PDGFD: variants seen among roughly 807,000 people sequenced by gnomAD.
PDGFD encodes the protein platelet-derived growth factor D.
A neutral mutation model predicts 44.7 loss-of-function variants in PDGFD; 30 were observed. That is an observed-to-expected ratio of 0.67 (90% confidence interval 0.50 to 0.91). The LOEUF is 0.91. Ranked by LOEUF, PDGFD falls within the 40% of genes least tolerant of loss-of-function variation. PDGFD has a pLI of 0.00. For missense variants in PDGFD, 445 were observed against 457.8 expected, an observed-to-expected ratio of 0.97 and a Z score of 0.25; for synonymous variants, 173 against 168.4, an observed-to-expected ratio of 1.03 and a Z score of -0.21.
intron 1 of PDGFD, among the ~76,000 whole-genome samples, chr11:104,028,271 T>C (rs940193695): frequency 6.6e-5 from 10 of 151,880 alleles, no homozygotes; most frequent in African/African-American, 2.4e-4. Flanking sequence ...TCCTAGTTAT[T>C]TTAGTTTAAA....
chr11:104,085,067 C>T (rs1184005781), intron 1 of PDGFD, among the ~76,000 whole-genome samples: 3 of 151,164 alleles, frequency 2.0e-5, no homozygotes, highest in Non-Finnish European at 3.0e-5. Flanking sequence ...TGGTACAATA[C>T]AACTTAGATA....
chr11:104,045,994 A>G (rs978367012), intron 1 of PDGFD, among the ~76,000 whole-genome samples: 1 of 147,040 alleles, frequency 6.8e-6, no homozygotes, highest in African/African-American at 2.5e-5. Flanking sequence ...GCAGAGGAAG[A>G]TATTACCAGA....
intron 1 of PDGFD, among the ~76,000 whole-genome samples, chr11:104,031,812 C>T (rs565898627): frequency 6.6e-6 from 1 of 152,116 alleles, no homozygotes; most frequent in Non-Finnish European, 1.5e-5. Context: ...ACTATGCAGC[C>T]ATAAAAAAGA....
At chr11:103,969,910 A>G (rs1859078632) in intron 3 of PDGFD, among the ~76,000 whole-genome samples, 1 of 152,106 alleles carries the variant, frequency 6.6e-6, no homozygotes, top group South Asian at 2.1e-4. Context: ...AAATACTCAT[A>G]TTTAAAAATA....
At chr11:104,147,418 A>G (rs1207718019) in intron 1 of PDGFD, among the ~76,000 whole-genome samples, 1 of 152,202 alleles carries the variant, frequency 6.6e-6, no homozygotes, top group Non-Finnish European at 1.5e-5. Context: ...TTTACTTGAT[A>G]GAATATATTT....
chr11:104,047,207 G>C (rs1158706269), intron 1 of PDGFD, among the ~76,000 whole-genome samples: 1 of 147,598 alleles, frequency 6.8e-6, no homozygotes, highest in African/African-American at 2.5e-5. Flanking sequence ...ACATACGTGT[G>C]CATGTATCTT....
chr11:104,082,127 TAC>T, intron 1 of PDGFD, among the ~76,000 whole-genome samples: 1 of 138,528 alleles, frequency 7.2e-6, no homozygotes, highest in East Asian at 2.2e-4. Context: ...GATGTCCATA[TAC>T]ATACATACAT....
intron 1 of PDGFD, among the ~76,000 whole-genome samples, chr11:104,102,444 A>C (rs957423266): frequency 2.6e-5 from 4 of 152,122 alleles, no homozygotes; most frequent in African/African-American, 9.7e-5. Flanking sequence ...GCTGGAGAGG[A>C]TGTGGAGAAA....
intron 3 of PDGFD, among the ~76,000 whole-genome samples, chr11:103,949,032 T>C (rs1292037908): frequency 7.8e-6 from 1 of 128,608 alleles, no homozygotes; most frequent in Non-Finnish European, 1.6e-5. Context: ...AGACCGAGTC[T>C]CACTCTGTCA....
chr11:103,957,272 G>A (rs867270877), intron 3 of PDGFD, among the ~76,000 whole-genome samples: 6 of 152,022 alleles, frequency 3.9e-5, no homozygotes, highest in African/African-American at 1.2e-4. Flanking sequence ...AATCAATATC[G>A]TGAAAATGGC....
intron 1 of PDGFD, chr11:104,037,515 A>G: frequency 6.2e-7 from 1 of 1,614,172 alleles, no homozygotes; most frequent in Non-Finnish European, 8.5e-7. Flanking sequence ...ATATAGCGAT[A>G]GAAGAGGCCC....
intron 3 of PDGFD, among the ~76,000 whole-genome samples, chr11:103,965,111 A>T (rs1858995058): frequency 6.6e-6 from 1 of 152,084 alleles, no homozygotes; most frequent in South Asian, 2.1e-4. Context: ...TTTTTATTTT[A>T]TGTGAAATGA....
intron 6 of PDGFD, among the ~76,000 whole-genome samples, chr11:103,912,887 G>A (rs1461231423): frequency 6.6e-6 from 1 of 151,816 alleles, no homozygotes; most frequent in Non-Finnish European, 1.5e-5. Flanking sequence ...AGACAAAGAA[G>A]GCCATTACAT....
At chr11:104,139,873 TAAAAAAAAAA>T (rs1193661913) in intron 1 of PDGFD, among the ~76,000 whole-genome samples, 2 of 19,866 alleles carry the variant, frequency 1.0e-4, no homozygotes, top group Non-Finnish European at 1.7e-4. Context: ...CCGTCTCTAC[TAAAAAAAAAA>T]AAAAAAAAAA....
At chr11:104,075,820 C>T (rs1482827378) in intron 1 of PDGFD, among the ~76,000 whole-genome samples, 1 of 152,112 alleles carries the variant, frequency 6.6e-6, no homozygotes, top group African/African-American at 2.4e-5. Context: ...AATGATTTCC[C>T]CAGGCCTTAT....
At chr11:103,922,766 G>A (rs922733512) in intron 6 of PDGFD, among the ~76,000 whole-genome samples, 10 of 151,064 alleles carry the variant, frequency 6.6e-5, no homozygotes, top group Non-Finnish European at 5.9e-5. Flanking sequence ...TTTTAGAGAT[G>A]GGGGGGTCTC....
At chr11:104,162,526 T>C (rs922526189) in intron 1 of PDGFD, among the ~76,000 whole-genome samples, 1 of 152,158 alleles carries the variant, frequency 6.6e-6, no homozygotes, top group African/African-American at 2.4e-5. Flanking sequence ...AATGCACGGC[T>C]GGAATCTTTT....
intron 1 of PDGFD, among the ~76,000 whole-genome samples, chr11:104,108,731 G>T (rs1467873394): frequency 4.6e-5 from 7 of 152,100 alleles, no homozygotes; most frequent in Non-Finnish European, 8.8e-5. Flanking sequence ...AAATCATGCT[G>T]CTATAAAGGC....
intron 3 of PDGFD, among the ~76,000 whole-genome samples, chr11:103,949,835 A>G (rs550167336): frequency 1.3e-5 from 2 of 152,316 alleles, no homozygotes; most frequent in East Asian, 1.9e-4. Flanking sequence ...AAAATTTCAC[A>G]TAGGAAGCTG....
Sources: allele counts gnomAD v4.1 joint callset (sites outside exome capture counted in the v4.1 genomes callset), GRCh38; gene constraint gnomAD v4.1.1; transcripts MANE v1.5; gene names NCBI Gene and HGNC (gene_info 2026-07-23, HGNC 2026-07-21).